Variants in DBH observed in about 807,000 individuals in gnomAD.
DBH encodes the protein dopamine beta-hydroxylase.
Under a neutral mutation model 64.0 loss-of-function variants are expected in DBH, and 49 were observed. That is an observed-to-expected ratio of 0.77 (90% confidence interval 0.61 to 0.97). The LOEUF (loss-of-function observed/expected upper bound fraction) is 0.97. DBH is among the 50% of genes least tolerant of loss of function. The pLI, the probability that DBH is intolerant of heterozygous loss-of-function variation, is 0.00. For synonymous variants in DBH, 343 were observed against 347.1 expected (o/e 0.99, Z 0.13); for missense variants, 828 against 826.6 (o/e 1.00, Z -0.02).
At chr9:133,650,449 TCTTTC>T (rs1001311278) in intron 6 of DBH, among the ~76,000 whole-genome samples, 22 of 150,140 alleles carry the variant, frequency 1.5e-4, no homozygotes, top group African/African-American at 5.3e-4. Flanking sequence ...TTCCTTCTTT[TCTTTC>T]CTTTCTTTTC....
At chr9:133,642,521 G>T in intron 3 of DBH, 57 bp downstream of exon 3, 1 of 1,550,784 alleles carries the variant, frequency 6.4e-7, no homozygotes. Flanking sequence ...TCCCGGGCCT[G>T]GGTTGTCCCT....
At chr9:133,651,589 C>G in intron 6 of DBH, 45 bp from the exon 7 acceptor site, 1 of 1,611,162 alleles carries the variant, frequency 6.2e-7, no homozygotes, top group Non-Finnish European at 8.5e-7. Context: ...CGGGAGGGTC[C>G]CCTCGGGGGT....
chr9:133,655,253 C>G (rs577840119), intron 9 of DBH: 1 of 152,306 alleles, frequency 6.6e-6, no homozygotes, highest in Non-Finnish European at 1.5e-5. Context: ...CTCTGACAAG[C>G]CCTCGCCTGC....
chr9:133,642,162 G>T (rs975810215), intron 2 of DBH, 45 bp from the exon 3 acceptor site: 1 of 1,608,244 alleles, frequency 6.2e-7, no homozygotes, highest in Middle Eastern at 2.0e-4. Context: ...GCCCAACTCT[G>T]GGGGCTCTGA....
chr9:133,638,728 C>A (rs1169514700), intron 1 of DBH, among the ~76,000 whole-genome samples: 1 of 152,180 alleles, frequency 6.6e-6, no homozygotes, highest in Non-Finnish European at 1.5e-5. Context: ...CAGGTGTAAA[C>A]AACTCTGACC....
intron 5 of DBH, 41 bp downstream of exon 5, chr9:133,644,361 C>T (rs573934706): frequency 3.5e-5 from 53 of 1,528,400 alleles, no homozygotes; most frequent in Non-Finnish European, 4.6e-5. Flanking sequence ...AGCCCTAGGA[C>T]TCAGCTGTGT....
At chr9:133,637,233 C>T (rs769637529) in intron 1 of DBH, among the ~76,000 whole-genome samples, 1 of 152,248 alleles carries the variant, frequency 6.6e-6, no homozygotes, top group African/African-American at 2.4e-5. Context: ...CACCCTGCCC[C>T]TACCCATAGG....
At chr9:133,656,766 C>G in intron 10 of DBH, 116 bp downstream of exon 10, 1 of 1,343,890 alleles carries the variant, frequency 7.4e-7, no homozygotes, top group Non-Finnish European at 1.0e-6. Context: ...GAGCAGAGAC[C>G]TGTGGCGGCA....
At chr9:133,648,161 T>C in intron 6 of DBH, 149 bp downstream of exon 6, 2 of 945,496 alleles carry the variant, frequency 2.1e-6, no homozygotes, top group South Asian at 1.5e-5. Flanking sequence ...CTTTTCTGTA[T>C]GCAAGGGAAC....
rs1433746420 is a variant in DBH at position 133,652,636 on chromosome 9, C to T, written c.1375-304C>T. 5.3e-5 allele frequency among the ~76,000 whole-genome samples: 8 copies of T among 152,152 alleles called. No individual in the cohort carries two copies. In the South Asian group the frequency reaches 1.0e-3, roughly 20 times the overall value. ...CCCACAGAGGGCCAAGCCCAGGCCT[C>T]GGTGGGGACTTGCCCAAGTCCTTTG... On this transcript the variant is annotated intron_variant, in intron 8 of 11. Coordinates refer to ENST00000393056, the MANE Select transcript of DBH (RefSeq NM_000787.4).
intron 5 of DBH, among the ~76,000 whole-genome samples, chr9:133,646,600 T>C (rs1232793536): frequency 6.6e-6 from 1 of 152,222 alleles, no homozygotes; most frequent in Non-Finnish European, 1.5e-5. Flanking sequence ...CTCAGCTTAA[T>C]GCAACCTCCG....
intron 7 of DBH, 125 bp downstream of exon 7, chr9:133,651,902 C>G: frequency 1.0e-6 from 1 of 1,000,456 alleles, no homozygotes; most frequent in Non-Finnish European, 1.5e-6. Flanking sequence ...GGGCCAGCCC[C>G]ACCCGCCCCC....
At chr9:133,656,304 T>G (rs988603910) in intron 9 of DBH, 2 of 582,624 alleles carry the variant, frequency 3.4e-6, no homozygotes, top group Non-Finnish European at 6.2e-6. Context: ...CATCAGTACC[T>G]GATACGAATT....
At chr9:133,647,801 G>A (rs761327424) in intron 5 of DBH, 45 bp from the exon 6 acceptor site, 7 of 1,610,282 alleles carry the variant, frequency 4.3e-6, no homozygotes, top group Middle Eastern at 1.7e-4. Flanking sequence ...GAAGTGAGAG[G>A]GCCTCCACTT....
intron 9 of DBH, among the ~76,000 whole-genome samples, chr9:133,654,417 C>T (rs1381493697): frequency 6.6e-6 from 1 of 152,198 alleles, no homozygotes; most frequent in Non-Finnish European, 1.5e-5. Flanking sequence ...CATAAAGGCT[C>T]AGAGAGGGCA....
intron 6 of DBH, among the ~76,000 whole-genome samples, chr9:133,651,301 G>A (rs1239276938): frequency 6.6e-6 from 1 of 152,218 alleles, no homozygotes; most frequent in Non-Finnish European, 1.5e-5. Context: ...CCTGTCCACG[G>A]GAGGCTCGCC....
chr9:133,646,407 C>T (rs1832182140), intron 5 of DBH, among the ~76,000 whole-genome samples: 1 of 152,154 alleles, frequency 6.6e-6, no homozygotes, highest in African/African-American at 2.4e-5. Context: ...AACCATGAGC[C>T]CAGCCGGTAC....
intron 1 of DBH, among the ~76,000 whole-genome samples, chr9:133,637,193 G>T (rs1353394430): frequency 6.6e-6 from 1 of 152,232 alleles, no homozygotes. Context: ...TACTGTGCTT[G>T]TACCCGTGGA....
rs1010921774 is a variant in DBH, at chr9:133,652,968, A to G, written c.1403A>G (p.Tyr468Cys). The G allele has an allele frequency of 6.2e-7, 1 of 1,613,594 alleles. No homozygotes were observed. Residue 468 changes from tyrosine to cysteine, a missense_variant, in exon 9 of 12, where the codon TAC (tyrosine) becomes TGC (cysteine). Physicochemically the swap from Tyr to Cys is radical, Grantham distance 194. Transcript: ENST00000393056. The stretch of plus-strand genomic sequence containing the variant: ...GATGTGCTCATCACCTCCTGCACGT[A>G]CAACACAGAAGACCGGGAGCTGGCC... Reference protein sequence around the residue: ...PGDVLITSCTYNTEDRELATV... With the variant: ...PGDVLITSCTCNTEDRELATV...
Sources: allele counts gnomAD v4.1 joint callset (sites outside exome capture counted in the v4.1 genomes callset), GRCh38; gene constraint gnomAD v4.1.1; transcripts MANE v1.5; gene names NCBI Gene and HGNC (gene_info 2026-07-23, HGNC 2026-07-21).